MTCL1: variants seen among roughly 807,000 people sequenced by gnomAD.
MTCL1 encodes the protein microtubule cross-linking factor 1.
In MTCL1, 79 loss-of-function variants were observed where a neutral mutation model predicts 141.4. That is an observed-to-expected ratio of 0.56 (90% CI 0.47 to 0.67). The LOEUF (loss-of-function observed/expected upper bound fraction) is 0.67, where lower values mean the gene tolerates loss of function less well. Among genes scored for constraint, MTCL1 ranks in the 30% least tolerant of loss-of-function variants. The pLI is 0.00. For synonymous variants in MTCL1, 914 were observed against 875.8 expected (o/e 1.04, Z -0.77); for missense variants, 2,177 against 2,113.9 (o/e 1.03, Z -0.59).
chr18:8,714,603 G>A (rs1598363489), upstream of MTCL1, among the ~76,000 whole-genome samples: 2 of 152,128 alleles, frequency 1.3e-5, no homozygotes, highest in Non-Finnish European at 2.9e-5. Context: ...GGAAACTGCC[G>A]TTTATAAAAC....
rs199934266 is a variant in MTCL1, at chr18:8,806,948, G to A, written c.2492G>A (p.Arg831His). 7.3e-5 allele frequency: 118 copies of A among 1,613,614 alleles called. No individual in the cohort carries two copies. The highest frequency in any genetic ancestry group is 9.0e-5 in the Non-Finnish European group (106 of 1,180,016). The change falls in exon 11 of 17, where the codon CGT (arginine) becomes CAT (histidine). Residue 831 changes from arginine (R) to histidine (H), a missense_variant. Arg to His is a conservative substitution (Grantham distance 29). Transcript: ENST00000359865. ...TTCAAGGCCTTGCTGGAGGACTTCC[G>A]TGCGGAGCTGCGGGAGGATGAGCGT...
chr18:8,766,464 G>A lies in MTCL1; in HGVS notation c.358-11369G>A, dbSNP rs180836713. On this transcript the variant is annotated intron_variant, in intron 4 of 16. Transcript: ENST00000359865. ...GGCGCCCCAGTGGGGACTTGCAGACGATAGCTTTAGCTGTTGAAAGGCTGC... is the reference window on the plus strand; with the variant it reads ...GGCGCCCCAGTGGGGACTTGCAGACAATAGCTTTAGCTGTTGAAAGGCTGC... 2.6e-5 allele frequency among the ~76,000 whole-genome samples: 4 copies of A among 152,310 alleles called. No individual in the cohort carries two copies. The East Asian group carries it at 7.7e-4, about 29-fold the overall frequency.
rs752222227 is a variant in MTCL1, at chr18:8,822,030, C to T, written c.3188+532C>T. ...TTTTTCATCATTCTCCAAATGAATACATACCGTTTCTACTACATGAAATTT... is the reference window on the plus strand; with the variant it reads ...TTTTTCATCATTCTCCAAATGAATATATACCGTTTCTACTACATGAAATTT... On this transcript the variant is annotated intron_variant, in intron 14 of 16. Coordinates refer to ENST00000359865, the Ensembl canonical transcript of MTCL1. This position sits in a 1 kb window ranked among gnomAD's most constrained non-coding sequence, Gnocchi z 4.6. Among the ~76,000 whole-genome samples the T allele has an allele frequency of 1.3e-5, 2 of 152,196 alleles. No individual in the cohort carries two copies. Among genetic ancestry groups the T allele is most frequent in the Non-Finnish European group, 2.9e-5 (2 of 68,046 alleles).
intron 4 of MTCL1, among the ~76,000 whole-genome samples, chr18:8,738,134 G>A (rs997781451): frequency 7.2e-5 from 11 of 152,116 alleles, no homozygotes; most frequent in African/African-American, 1.9e-4. Context: ...GGGTAGCTAC[G>A]CAGTGGGGTG....
intron 1 of MTCL1, among the ~76,000 whole-genome samples, chr18:8,710,985 C>A (rs2096087919): frequency 2.0e-5 from 3 of 150,772 alleles, no homozygotes; most frequent in African/African-American, 4.9e-5. Flanking sequence ...GTGTGCTGCA[C>A]CCACTAACTC....
Position 8,830,487 on chromosome 18 carries a change from A to G in MTCL1, c.*19-1120A>G. 8.1e-6 allele frequency: 8 copies of G among 985,812 alleles called. No homozygotes were observed. Among genetic ancestry groups the G allele is most frequent in the Non-Finnish European group, 9.6e-6 (8 of 830,256 alleles). 61.1% of individuals were successfully genotyped at this position (985,812 alleles called of 1,614,324 possible). A position where few individuals can be genotyped will look rare whatever the true frequency, so the allele number is the denominator to read the frequency against. On this transcript the variant is annotated intron_variant, in intron 16 of 16. Transcript: ENST00000359865. This position sits in a 1 kb window ranked among gnomAD's most constrained non-coding sequence, Gnocchi z 6.4. ...CTCTGCCGTGTTCCATCTTCTCCCG[A>G]GTGACACTGCCCATTCCGTGCAGCC... is the stretch of plus-strand genomic sequence containing the variant.
chr18:8,738,994 T>C (rs147662271), intron 4 of MTCL1, among the ~76,000 whole-genome samples: 23 of 152,248 alleles, frequency 1.5e-4, no homozygotes, highest in East Asian at 7.7e-4. Flanking sequence ...TCCCAGGCAA[T>C]TGGGGAGGCC....
At chr18:8,708,075 A>G (rs1340316514) in intron 1 of MTCL1, among the ~76,000 whole-genome samples, 2 of 152,242 alleles carry the variant, frequency 1.3e-5, no homozygotes, top group African/African-American at 4.8e-5. Context: ...TGAAGTTCAA[A>G]GGCAACTATG....
At chr18:8,706,976 T>C in intron 1 of MTCL1, 1 of 506,588 alleles carries the variant, frequency 2.0e-6, no homozygotes, top group South Asian at 3.0e-5. Flanking sequence ...CTGATACTTT[T>C]ACTTTTGTTG....
At chr18:8,784,971 A>G (rs2096546324) in intron 6 of MTCL1, 128 bp downstream of exon 5, 1 of 740,926 alleles carries the variant, frequency 1.3e-6, no homozygotes, top group Non-Finnish European at 2.0e-6. Flanking sequence ...ATTGTACTAA[A>G]GCCTCCGGGG....
chr18:8,829,334 G>A (rs2077124654), intron 16 of MTCL1: 1 of 985,288 alleles, frequency 1.0e-6, no homozygotes, highest in South Asian at 4.7e-5. Flanking sequence ...AGCCACCCAG[G>A]ACTGGTCAAC....
chr18:8,773,172 G>GA (rs1300395279), intron 4 of MTCL1, among the ~76,000 whole-genome samples: 1 of 152,072 alleles, frequency 6.6e-6, no homozygotes, highest in East Asian at 1.9e-4. Context: ...CTTGTCCTTA[G>GA]GGTATGTTCT....
At chr18:8,825,734 C>T (rs2077001005) in exon 15 of MTCL1, 2 of 1,614,214 alleles carry the variant, frequency 1.2e-6, no homozygotes, top group Non-Finnish European at 1.7e-6. Flanking sequence ...AGCCAAATAA[C>T]AGGACGTCAC....
At chr18:8,829,717 A>G (rs990386341) in intron 16 of MTCL1, 1 of 985,174 alleles carries the variant, frequency 1.0e-6, no homozygotes, top group Non-Finnish European at 1.2e-6. Flanking sequence ...ATCCCCATGA[A>G]AAGATGACAG....
chr18:8,774,458 CTTTCTTT>C (rs2096497348), intron 4 of MTCL1, among the ~76,000 whole-genome samples: 1 of 151,736 alleles, frequency 6.6e-6, no homozygotes, highest in Non-Finnish European at 1.5e-5. Context: ...TCTTTCTTTT[CTTTCTTT>C]TCTTTCTTTT....
intron 4 of MTCL1, among the ~76,000 whole-genome samples, chr18:8,724,569 T>A (rs1475093170): frequency 6.6e-6 from 1 of 152,228 alleles, no homozygotes; most frequent in Non-Finnish European, 1.5e-5. Context: ...TTGTTTTCTC[T>A]ACATGCCAAA....
chr18:8,801,387 G>A (rs940541421), intron 10 of MTCL1, among the ~76,000 whole-genome samples: 4 of 150,962 alleles, frequency 2.6e-5, no homozygotes, highest in South Asian at 2.1e-4. Flanking sequence ...ACGTCATACC[G>A]TGATTCATTC....
At position 8,763,826 on chromosome 18, in the gene MTCL1, G is replaced by A. The variant is rs78118781; in HGVS notation, c.358-14007G>A. Among the ~76,000 whole-genome samples, 371 of 152,260 alleles carry A rather than the reference G, an allele frequency of 2.4e-3. 3 individuals are homozygous for A. Among genetic ancestry groups the A allele is most frequent in the African/African-American group, 8.5e-3 (355 of 41,534 alleles). On this transcript the variant is annotated intron_variant, in intron 4 of 16. Coordinates refer to ENST00000359865, the Ensembl canonical transcript of MTCL1. ...AAATCACTTTTGCCATTGGCTCTTG[G>A]CATACTTAATTGCATTGTGGAAAAT...
intron 12 of MTCL1, among the ~76,000 whole-genome samples, chr18:8,817,945 G>T (rs377136612): frequency 6.6e-6 from 1 of 152,218 alleles, no homozygotes; most frequent in South Asian, 2.1e-4. Context: ...GTGGAAGCTG[G>T]TGAGGGCTCC....
Sources: gnomAD v4.1 joint callset for allele counts (sites outside exome capture counted in the v4.1 genomes callset) on GRCh38, gnomAD v4.1.1 for gene constraint, Gnocchi (gnomAD v3.1) non-coding constraint, MANE v1.5 for transcripts, NCBI Gene and HGNC (gene_info 2026-07-23, HGNC 2026-07-21) for gene names.